The following TEX36 variants were observed in gnomAD, a reference collection of about 807,000 sequenced individuals.
TEX36 encodes testis-expressed protein 36.
TEX36 carries 12 observed loss-of-function variants against 13.6 expected under a neutral mutation model. That is an observed-to-expected ratio of 0.88 (90% CI 0.56 to 1.43). The LOEUF is 1.43. TEX36 is among the 40% of genes most tolerant of loss of function. TEX36 has a pLI of 0.00. For missense variants in TEX36, 224 were observed against 228.3 expected (o/e 0.98, Z 0.12); for synonymous variants, 93 against 83.0 (o/e 1.12, Z -0.65).
In TEX36 at chr10:125,579,167, G is replaced by A. The variant is rs73375956; in HGVS notation, c.265-2293C>T. On this transcript the variant is annotated intron_variant, in intron 3 of 3. Coordinates refer to the TEX36 transcript ENST00000532135. ...GGAAAGAAGCTTGCCGTATTAGTCC[G>A]TTCTCATGCTGCTATAAAAAACTGC... Among the ~76,000 whole-genome samples, 1,336 of 152,278 alleles carry A rather than the reference G, an allele frequency of 8.8e-3. 16 individuals carry two copies. The highest frequency in any genetic ancestry group is 0.03 in the African/African-American group (1,259 of 41,550).
chr10:125,640,016 T>C (rs1846667117), intron 3 of TEX36: 1 of 269,384 alleles, frequency 3.7e-6, no homozygotes, highest in Non-Finnish European at 5.7e-6. Flanking sequence ...ATTACAACCA[T>C]GTGTTCTCAG....
At chr10:125,619,567 T>C (rs1050834570), downstream of TEX36, among the ~76,000 whole-genome samples, 7 of 152,204 alleles carry the variant, frequency 4.6e-5, no homozygotes, top group South Asian at 2.1e-4. Flanking sequence ...TTGTTTGTTT[T>C]TGAGACGGAG....
chr10:125,599,151 A>G (rs1846115365), intron 3 of TEX36, among the ~76,000 whole-genome samples: 3 of 152,240 alleles, frequency 2.0e-5, no homozygotes, highest in Admixed American at 2.0e-4. Flanking sequence ...AACCACATTA[A>G]GGAAGATTTG....
intron 3 of TEX36, among the ~76,000 whole-genome samples, chr10:125,635,885 G>A (rs192876697): frequency 6.6e-6 from 1 of 151,822 alleles, no homozygotes; most frequent in East Asian, 2.0e-4. Flanking sequence ...TTCATTTTTT[G>A]TTTTTTGAGA....
chr10:125,614,108 G>A (rs1165070881), intron 3 of TEX36, among the ~76,000 whole-genome samples: 3 of 152,174 alleles, frequency 2.0e-5, no homozygotes, highest in Non-Finnish European at 4.4e-5. Context: ...CATGTCCTTT[G>A]CCCACTTTTT....
downstream of TEX36, among the ~76,000 whole-genome samples, chr10:125,619,638 C>G (rs950681940): frequency 6.6e-6 from 1 of 152,264 alleles, no homozygotes; most frequent in Admixed American, 6.5e-5. Flanking sequence ...GCAACCTCCG[C>G]CTCCCGGGTC....
At chr10:125,624,317 G>A (rs552095739) in intron 3 of TEX36, among the ~76,000 whole-genome samples, 10 of 152,312 alleles carry the variant, frequency 6.6e-5, no homozygotes, top group East Asian at 1.9e-4. Context: ...CTCTGAGCTC[G>A]GGGCAGGTGC....
intron 3 of TEX36, among the ~76,000 whole-genome samples, chr10:125,608,315 G>A (rs915412551): frequency 1.3e-5 from 2 of 151,996 alleles, no homozygotes; most frequent in African/African-American, 2.4e-5. Flanking sequence ...TACATTTGTC[G>A]GGAAAACTCA....
intron 3 of TEX36, among the ~76,000 whole-genome samples, chr10:125,591,685 T>C (rs1245760090): frequency 6.6e-6 from 1 of 152,214 alleles, no homozygotes; most frequent in Non-Finnish European, 1.5e-5. Context: ...GTCTTAGCCT[T>C]GAAAGTGTAG....
intron 3 of TEX36, among the ~76,000 whole-genome samples, chr10:125,588,339 C>A (rs1380138718): frequency 6.6e-6 from 1 of 152,172 alleles, no homozygotes; most frequent in Non-Finnish European, 1.5e-5. Context: ...CATTTGATTT[C>A]ACTTACTGTG....
intron 1 of TEX36, among the ~76,000 whole-genome samples, chr10:125,675,308 T>A (rs1028152410): frequency 6.6e-6 from 1 of 152,122 alleles, no homozygotes; most frequent in East Asian, 1.9e-4. Flanking sequence ...ACAGCAATGG[T>A]GGCCACTCCT....
intron 3 of TEX36, among the ~76,000 whole-genome samples, chr10:125,627,704 C>T (rs1456233313): frequency 1.3e-5 from 2 of 152,196 alleles, no homozygotes; most frequent in East Asian, 3.8e-4. Context: ...AATGCCATCG[C>T]ATTGTACAAC....
intron 3 of TEX36, among the ~76,000 whole-genome samples, chr10:125,594,758 A>T (rs974495319): frequency 2.6e-5 from 4 of 152,232 alleles, no homozygotes; most frequent in Non-Finnish European, 5.9e-5. Context: ...TGGGAAAAAA[A>T]GGTTAAAATT....
chr10:125,600,149 G>T (rs1309466919), intron 3 of TEX36, among the ~76,000 whole-genome samples: 1 of 152,200 alleles, frequency 6.6e-6, no homozygotes, highest in Non-Finnish European at 1.5e-5. Flanking sequence ...GGTAACTTAT[G>T]ACCTGTGTCA....
At position 125,672,869 on chromosome 10, in the gene TEX36, C is replaced by A. The variant is rs139456290; in HGVS notation, c.51+10070G>T. Among the ~76,000 whole-genome samples, 898 of 152,260 alleles carry A rather than the reference C, an allele frequency of 5.9e-3. 12 individuals are homozygous for A. Among genetic ancestry groups the A allele is most frequent in the African/African-American group, 0.021 (854 of 41,530 alleles). On this transcript the variant is annotated intron_variant, in intron 1 of 3. Coordinates refer to ENST00000368821, the MANE Select transcript of TEX36 (RefSeq NM_001128202.3). ...TCTTCTTGTTGAATTGATCCCTTTACCATTATTCAATGCCCTTCTCTGTCT... is the reference window on the plus strand; with the variant it reads ...TCTTCTTGTTGAATTGATCCCTTTAACATTATTCAATGCCCTTCTCTGTCT...
intron 3 of TEX36, among the ~76,000 whole-genome samples, chr10:125,643,898 C>T (rs1462107706): frequency 6.6e-6 from 1 of 152,020 alleles, no homozygotes. Context: ...GGTGACAGAG[C>T]GAGACTTCAC....
intron 1 of TEX36, among the ~76,000 whole-genome samples, chr10:125,665,513 C>T (rs923555910): frequency 3.9e-5 from 6 of 152,032 alleles, no homozygotes; most frequent in South Asian, 2.1e-4. Context: ...GCTGCTTCCC[C>T]GATATAAGTT....
At chr10:125,667,796 G>T (rs566960052) in intron 1 of TEX36, 2 of 1,055,886 alleles carry the variant, frequency 1.9e-6, no homozygotes, top group Non-Finnish European at 2.9e-6. Flanking sequence ...GTTCTCTTTG[G>T]TGTTCTCGGC....
intron 1 of TEX36, among the ~76,000 whole-genome samples, chr10:125,672,928 T>C (rs1223508958): frequency 2.0e-5 from 3 of 152,204 alleles, no homozygotes; most frequent in Non-Finnish European, 1.5e-5. Flanking sequence ...GTGTGTTTTG[T>C]CCAGAAACTA....
Sources: gnomAD v4.1 joint callset for allele counts (sites outside exome capture counted in the v4.1 genomes callset) on GRCh38, gnomAD v4.1.1 for gene constraint, MANE v1.5 for transcripts, NCBI Gene and HGNC (gene_info 2026-07-23, HGNC 2026-07-21) for gene names.